Variants in ADAMTS14 observed in about 807,000 individuals in gnomAD.
The protein encoded by ADAMTS14 is ADAM metallopeptidase with thrombospondin type 1 motif 14.
Under a neutral mutation model 128.6 loss-of-function variants are expected in ADAMTS14, and 100 were observed. That is an observed-to-expected ratio of 0.78 (90% CI 0.66 to 0.92). ADAMTS14 has a LOEUF of 0.92. ADAMTS14 is among the 40% of genes least tolerant of loss of function. The pLI, the probability that ADAMTS14 is intolerant of heterozygous loss-of-function variation, is 0.00. For missense variants in ADAMTS14, 1,562 were observed against 1,658.6 expected, an observed-to-expected ratio of 0.94 and a Z score of 1.01; for synonymous variants, 665 against 653.8, an observed-to-expected ratio of 1.02 and a Z score of -0.26.
At chr10:70,713,942 C>G (rs920531540) in intron 4 of ADAMTS14, among the ~76,000 whole-genome samples, 3 of 152,174 alleles carry the variant, frequency 2.0e-5, no homozygotes, top group African/African-American at 4.8e-5. Flanking sequence ...ACCTATAATC[C>G]TAGCACTTTG....
chr10:70,733,826 T>TGCCTTCCC lies in ADAMTS14; in HGVS notation c.1209-57_1209-50dup, dbSNP rs1341087964. ...CCTGCTGCTGGCCTGCCTGCCTGCC[T>TGCCTTCCC]GCCTTCCCGGGGCAGGCTCCTGGGA... On this transcript the variant is annotated intron_variant, in intron 7 of 21. Coordinates refer to ENST00000373207, the MANE Select transcript of ADAMTS14 (RefSeq NM_080722.4). 4 of 1,560,802 alleles carry TGCCTTCCC rather than the reference T, an allele frequency of 2.6e-6. No individual in the cohort carries two copies. In the African/African-American group the frequency reaches 4.1e-5, roughly 16 times the overall value.
intron 4 of ADAMTS14, among the ~76,000 whole-genome samples, chr10:70,723,846 A>G (rs749392056): frequency 2.0e-5 from 3 of 152,202 alleles, no homozygotes; most frequent in Admixed American, 6.5e-5. Context: ...CCACCCTGCC[A>G]CAGAAACTGG....
chr10:70,675,012 T>A lies in ADAMTS14; in HGVS notation c.522+17T>A. 1 of 1,606,616 alleles carries A rather than the reference T, an allele frequency of 6.2e-7. No homozygotes were observed. The highest frequency in any genetic ancestry group is 8.5e-7 in the Non-Finnish European group (1 of 1,177,534). On this transcript the variant is annotated intron_variant, in intron 2 of 21. Transcript: ENST00000373207. ...GACGGATTGGTAAGGGATGAGACTT[T>A]CATTAAGCTGCATCCTCCCCCTCCC...
In ADAMTS14 at chr10:70,760,298, GC is replaced by G. The variant is rs1405982362; in HGVS notation, c.3179-60del. On this transcript the variant is annotated intron_variant, in intron 21 of 21. Transcript: ENST00000373207. The stretch of plus-strand genomic sequence containing the variant: ...AGTCAGTGGGTAAGTGGGAGGGGGG[GC>G]CACCTGACTGACAGGCATCCCCACG... 271 of 1,501,338 alleles carry G rather than the reference GC, an allele frequency of 1.8e-4. No individual in the cohort carries two copies. The African/African-American group carries it at 2.9e-3, about 16-fold the overall frequency. The allele number at this position is 1,501,338 out of a possible 1,614,324, so 93.0% of individuals were successfully genotyped here. A position where few individuals can be genotyped will look rare whatever the true frequency, so the allele number is the denominator to read the frequency against.
chr10:70,679,150 G>C (rs1839729232), intron 2 of ADAMTS14, among the ~76,000 whole-genome samples: 1 of 152,128 alleles, frequency 6.6e-6, no homozygotes, highest in Admixed American at 6.5e-5. Context: ...GGGCATCTAG[G>C]AAGGTTCCCT....
intron 4 of ADAMTS14, among the ~76,000 whole-genome samples, chr10:70,719,900 C>T (rs1035500254): frequency 2.0e-5 from 3 of 152,228 alleles, no homozygotes; most frequent in East Asian, 3.8e-4. Flanking sequence ...TGGCAGAGCT[C>T]GACCTTCACA....
intron 8 of ADAMTS14, among the ~76,000 whole-genome samples, 197 bp downstream of exon 8, chr10:70,734,225 G>A (rs187481170): frequency 5.9e-5 from 9 of 152,290 alleles, no homozygotes; most frequent in Admixed American, 2.0e-4. Context: ...GTTTCAGAAC[G>A]TGTTCAGGTG....
chr10:70,684,517 G>A (rs1258278654), intron 2 of ADAMTS14, among the ~76,000 whole-genome samples: 1 of 152,352 alleles, frequency 6.6e-6, no homozygotes. Flanking sequence ...AGCCATCTTT[G>A]CAAATATTCT....
intron 4 of ADAMTS14, among the ~76,000 whole-genome samples, chr10:70,720,007 AT>A (rs913393791): frequency 3.5e-4 from 54 of 152,324 alleles, no homozygotes; most frequent in African/African-American, 1.3e-3. Context: ...AATGCTGAGC[AT>A]TGTGGGCTTG....
chr10:70,752,212 C>G lies in ADAMTS14; in HGVS notation c.2714C>G (p.Pro905Arg). 6.2e-7 allele frequency: 1 copy of G among 1,613,696 alleles called. No individual in the cohort carries two copies. Among genetic ancestry groups the G allele is most frequent in the Non-Finnish European group, 8.5e-7 (1 of 1,179,904 alleles). ...ATCCGCCGGCGCTGCAACCAGCACCCGTGCTCTCAGCCTGTGTGAGTGCTC... is the reference window on the plus strand; with the variant it reads ...ATCCGCCGGCGCTGCAACCAGCACCGGTGCTCTCAGCCTGTGTGAGTGCTC... Reference protein sequence around the residue: ...KPIRRRCNQHPCSQPVWVTEE... With the variant: ...KPIRRRCNQHRCSQPVWVTEE... The change falls in exon 18 of 22, where the codon CCG becomes CGG. Residue 905 changes from proline to arginine, a missense_variant. Coordinates refer to ENST00000373207, the MANE Select transcript of ADAMTS14 (RefSeq NM_080722.4).
intron 4 of ADAMTS14, among the ~76,000 whole-genome samples, chr10:70,712,689 C>T (rs1260537883): frequency 6.6e-6 from 1 of 152,106 alleles, no homozygotes; most frequent in African/African-American, 2.4e-5. Flanking sequence ...ACCCATGGTG[C>T]TCTCTGCTGT....
intron 4 of ADAMTS14, among the ~76,000 whole-genome samples, chr10:70,710,832 C>A (rs72814564): frequency 6.6e-6 from 1 of 152,148 alleles, no homozygotes; most frequent in Non-Finnish European, 1.5e-5. Flanking sequence ...ATGTGACCTT[C>A]GTGAAGTGAC....
intron 3 of ADAMTS14, among the ~76,000 whole-genome samples, chr10:70,706,293 T>G (rs1840665153): frequency 6.6e-6 from 1 of 152,224 alleles, no homozygotes; most frequent in Non-Finnish European, 1.5e-5. Context: ...CGGGCTGTTG[T>G]CATGAAGCTG....
intron 2 of ADAMTS14, among the ~76,000 whole-genome samples, chr10:70,686,952 G>A (rs1383970622): frequency 7.9e-3 from 459 of 58,030 alleles, no homozygotes; most frequent in Middle Eastern, 0.028. Context: ...CCTCCCTCCC[G>A]GACGGGGCGG....
At chr10:70,688,649 C>T (rs1271010230) in intron 2 of ADAMTS14, among the ~76,000 whole-genome samples, 31 of 112,084 alleles carry the variant, frequency 2.8e-4, no homozygotes, top group African/African-American at 8.8e-4. Context: ...GCGGATCACT[C>T]GCGGTTAGGG....
Position 70,727,254 on chromosome 10 carries a change from C to A in ADAMTS14, c.871-2040C>A, listed in dbSNP as rs889410632. 5.3e-5 allele frequency among the ~76,000 whole-genome samples: 8 copies of A among 152,358 alleles called. No individual in the cohort carries two copies. The South Asian group carries it at 1.7e-3, about 32-fold the overall frequency. ...AGGGGTATGCCAGCAAAGCGTACATCTCCTGTTCCCCTCCTGGCTCACCCC... is the reference window on the plus strand; with the variant it reads ...AGGGGTATGCCAGCAAAGCGTACATATCCTGTTCCCCTCCTGGCTCACCCC... On this transcript the variant is annotated intron_variant, in intron 4 of 21. Coordinates refer to ENST00000373207, the MANE Select transcript of ADAMTS14 (RefSeq NM_080722.4).
chr10:70,687,708 C>T (rs868144678), intron 2 of ADAMTS14, among the ~76,000 whole-genome samples: 130 of 31,346 alleles, frequency 4.1e-3, no homozygotes, highest in Admixed American at 8.8e-3. Context: ...ACCTCCCTCC[C>T]AGACGGGGCG....
intron 4 of ADAMTS14, among the ~76,000 whole-genome samples, chr10:70,714,694 A>C (rs1840970271): frequency 6.6e-6 from 1 of 152,076 alleles, no homozygotes; most frequent in Non-Finnish European, 1.5e-5. Context: ...CACGCATGTA[A>C]TCCAGTACTT....
chr10:70,729,262 TCCTTC>T, intron 4 of ADAMTS14, 27 bp from the exon 5 acceptor site: 1 of 1,585,722 alleles, frequency 6.3e-7, no homozygotes, highest in Non-Finnish European at 8.7e-7. Flanking sequence ...AATGAATGTT[TCCTTC>T]CCTTAAACTG....
Sources: allele counts gnomAD v4.1 joint callset (sites outside exome capture counted in the v4.1 genomes callset), GRCh38; gene constraint gnomAD v4.1.1; transcripts MANE v1.5; gene names NCBI Gene and HGNC (gene_info 2026-07-23, HGNC 2026-07-21).